The following RMND5B variants were observed in gnomAD, a reference collection of about 807,000 sequenced individuals.
RMND5B encodes E3 ubiquitin-protein transferase RMND5B.
RMND5B carries 42 observed loss-of-function variants against 50.4 expected under a neutral mutation model. The ratio of observed to expected loss-of-function variants is 0.83; its 90% confidence interval spans 0.65 to 1.08. RMND5B has a LOEUF of 1.08. Among genes scored for constraint, RMND5B ranks in the 50% least tolerant of loss-of-function variants. RMND5B has a pLI of 0.00. For synonymous variants in RMND5B, 220 were observed against 210.0 expected, an observed-to-expected ratio of 1.05 and a Z score of -0.41; for missense variants, 463 against 508.5, an observed-to-expected ratio of 0.91 and a Z score of 0.86.
At chr5:178,147,685 C>T (rs1561641324) in intron 9 of RMND5B, 44 bp from the exon 10 acceptor site, 1 of 1,613,966 alleles carries the variant, frequency 6.2e-7, no homozygotes. Flanking sequence ...GGGAGGACAG[C>T]CATGACAGGA....
chr5:178,145,386 T>C (rs996234336), intron 7 of RMND5B, among the ~76,000 whole-genome samples: 12 of 150,740 alleles, frequency 8.0e-5, no homozygotes. Context: ...CCCGGGAGGC[T>C]GAGGTAGGAT....
In RMND5B at chr5:178,142,572, T is replaced by C; in HGVS notation, c.140-11T>C. 1.2e-6 allele frequency: 2 copies of C among 1,603,230 alleles called. No individual in the cohort carries two copies. The highest frequency in any genetic ancestry group is 1.7e-6 in the Non-Finnish European group (2 of 1,174,008). On this transcript the variant is annotated splice_polypyrimidine_tract_variant and intron_variant, in intron 3 of 10. Coordinates refer to ENST00000313386, the MANE Select transcript of RMND5B (RefSeq NM_022762.5). ...TGCCTCCTCTGTGTCCTTATTCCACTTTCTCTGCAGCCCTCCAGGGGACCC... is the reference window on the plus strand; with the variant it reads ...TGCCTCCTCTGTGTCCTTATTCCACCTTCTCTGCAGCCCTCCAGGGGACCC...
Position 178,143,941 on chromosome 5 carries a change from G to C in RMND5B, c.528-1G>C. 6.2e-7 allele frequency: 1 copy of C among 1,614,134 alleles called. No homozygotes were observed. Among genetic ancestry groups the C allele is most frequent in the Non-Finnish European group, 8.5e-7 (1 of 1,179,974 alleles). On this transcript the variant is annotated splice_acceptor_variant, in intron 6 of 10. Coordinates refer to ENST00000313386, the MANE Select transcript of RMND5B (RefSeq NM_022762.5). LOFTEE classifies it high-confidence loss of function. ...CACTAAACTGGCCCCTTTCTTCCCA[G>C]ATGGGCCGTCTCCCACAGGCAGCGC...
rs1409840227 is a variant in RMND5B, at chr5:178,148,657, A to G, written c.*625A>G. 1 of 153,814 alleles carries G rather than the reference A, an allele frequency of 6.5e-6. No individual in the cohort carries two copies. Among genetic ancestry groups the G allele is most frequent in the Non-Finnish European group, 1.4e-5 (1 of 69,262 alleles). The allele number at this position is 153,814 out of a possible 1,614,324, so 9.5% of individuals were successfully genotyped here. A position where few individuals can be genotyped will look rare whatever the true frequency, so the allele number is the denominator to read the frequency against. The stretch of plus-strand genomic sequence containing the variant: ...TGGGCACGGCCTGGTGGCTGCCGCA[A>G]ACAAAAACATGGCCAGCAGGTATCC... On this transcript the variant is annotated 3_prime_UTR_variant, in exon 11 of 11. Coordinates refer to ENST00000313386, the MANE Select transcript of RMND5B (RefSeq NM_022762.5).
chr5:178,139,666 C>T lies in RMND5B; in HGVS notation c.139+1408C>T, dbSNP rs541693124. 3.7e-3 allele frequency among the ~76,000 whole-genome samples: 556 copies of T among 151,414 alleles called. 5 individuals are homozygous for T. Among genetic ancestry groups the T allele is most frequent in the Non-Finnish European group, 5.2e-3 (356 of 67,934 alleles). ...TCAAGAGATTCTCCTGCTTCAGCCT[C>T]GCAAGTTGCTGGGTTTACAGGCCCG... On this transcript the variant is annotated intron_variant, in intron 3 of 10. Coordinates refer to ENST00000313386, the MANE Select transcript of RMND5B (RefSeq NM_022762.5).
chr5:178,139,108 C>T (rs535587731), intron 3 of RMND5B, among the ~76,000 whole-genome samples: 1 of 152,230 alleles, frequency 6.6e-6, no homozygotes, highest in East Asian at 1.9e-4. Flanking sequence ...TGCACTCCAA[C>T]CTGGGCAACA....
intron 2 of RMND5B, among the ~76,000 whole-genome samples, chr5:178,136,423 A>T (rs1758623507): frequency 1.3e-5 from 2 of 151,920 alleles, no homozygotes; most frequent in African/African-American, 4.8e-5. Flanking sequence ...GTTTGTTCAG[A>T]GGGGATGGTG....
rs750031459 is a variant in RMND5B at position 178,147,989 on chromosome 5, C to T, written c.1139C>T (p.Pro380Leu). 1 of 1,614,114 alleles carries T rather than the reference C, an allele frequency of 6.2e-7. No individual in the cohort carries two copies. Among genetic ancestry groups the T allele is most frequent in the Non-Finnish European group, 8.5e-7 (1 of 1,180,026 alleles). Residue 380 changes from proline (P) to leucine (L), a missense_variant, in exon 11 of 11, where the codon CCC (proline) becomes CTC (leucine). Coordinates refer to ENST00000313386, the MANE Select transcript of RMND5B (RefSeq NM_022762.5). ...NGGKLKCPYC[P>L]MEQNPADGKR... Reference sequence around the variant, plus strand: ...TGCAGGCTGAAGTGTCCCTACTGTCCCATGGAGCAGAACCCGGCAGATGGG... The same window carrying T: ...TGCAGGCTGAAGTGTCCCTACTGTCTCATGGAGCAGAACCCGGCAGATGGG...
In RMND5B at chr5:178,138,004, C is replaced by A; in HGVS notation, c.-12-104C>A. The stretch of plus-strand genomic sequence containing the variant: ...ATGTACAAAACATATAACATTGATA[C>A]ATGATGTGGGAATGGTGAGAGGGAT... On this transcript the variant is annotated intron_variant, in intron 2 of 10. Coordinates refer to ENST00000313386, the MANE Select transcript of RMND5B (RefSeq NM_022762.5). The surrounding 1 kb of genome is among the most constrained non-coding windows in gnomAD (Gnocchi z 5.1). 1.0e-6 allele frequency: 1 copy of A among 1,001,814 alleles called. No homozygotes were observed. The highest frequency in any genetic ancestry group is 1.5e-6 in the Non-Finnish European group (1 of 686,440). 62.1% of individuals were successfully genotyped at this position (1,001,814 alleles called of 1,614,324 possible).
At chr5:178,139,573 T>A (rs1244296547) in intron 3 of RMND5B, among the ~76,000 whole-genome samples, 1 of 151,292 alleles carries the variant, frequency 6.6e-6, no homozygotes, top group Non-Finnish European at 1.5e-5. Flanking sequence ...TATAGAGTTT[T>A]GCTCTCATTG....
At position 178,137,993 on chromosome 5, in the gene RMND5B, T is replaced by C. The variant is rs967435383; in HGVS notation, c.-12-115T>C. The C allele has an allele frequency of 1.1e-5, 10 of 940,786 alleles. No individual in the cohort carries two copies. The highest frequency in any genetic ancestry group is 2.9e-5 in the Admixed American group (1 of 34,540). 58.3% of individuals were successfully genotyped at this position (940,786 alleles called of 1,614,324 possible). A position where few individuals can be genotyped will look rare whatever the true frequency, so the allele number is the denominator to read the frequency against. On this transcript the variant is annotated intron_variant, in intron 2 of 10. Coordinates refer to ENST00000313386, the MANE Select transcript of RMND5B (RefSeq NM_022762.5). The surrounding 1 kb of genome is among the most constrained non-coding windows in gnomAD (Gnocchi z 4.4). ...TATATACATATATGTACAAAACATA[T>C]AACATTGATACATGATGTGGGAATG...
In RMND5B at chr5:178,147,822, A is replaced by G. The variant is rs1756112153; in HGVS notation, c.1057A>G (p.Lys353Glu). The change falls in exon 10 of 11, where the codon AAG (lysine) becomes GAG (glutamate). Residue 353 changes from lysine (K) to glutamate (E), a missense_variant. Lys to Glu is a moderately conservative substitution (Grantham distance 56). Transcript: ENST00000313386. ...QQTSDSNPPIKLICGHVISRD... is the reference protein window; with the variant it reads ...QQTSDSNPPIELICGHVISRD... Reference sequence around the variant, plus strand: ...GACGTCAGATTCCAACCCTCCCATCAAGCTCATCTGTGGCCATGTTATCTC... The same window carrying G: ...GACGTCAGATTCCAACCCTCCCATCGAGCTCATCTGTGGCCATGTTATCTC... The G allele has an allele frequency of 1.2e-6, 2 of 1,613,932 alleles. No individual in the cohort carries two copies. The highest frequency in any genetic ancestry group is 2.2e-5 in the South Asian group (2 of 91,070).
chr5:178,138,279 G>A lies in RMND5B; in HGVS notation c.139+21G>A. On this transcript the variant is annotated intron_variant, in intron 3 of 10. Coordinates refer to ENST00000313386, the MANE Select transcript of RMND5B (RefSeq NM_022762.5). This position sits in a 1 kb window ranked among gnomAD's most constrained non-coding sequence, Gnocchi z 5.1. ...CGCAGGTGGGTGGCCACCCTTGCAA[G>A]TGCCCTGCGACAGCCTCCCTGAGGA... The A allele has an allele frequency of 1.2e-6, 2 of 1,611,038 alleles. No individual in the cohort carries two copies. Among genetic ancestry groups the A allele is most frequent in the Non-Finnish European group, 1.7e-6 (2 of 1,178,512 alleles).
At chr5:178,132,785 C>G (rs1414583066) in intron 2 of RMND5B, among the ~76,000 whole-genome samples, 1 of 86,846 alleles carries the variant, frequency 1.2e-5, no homozygotes, top group African/African-American at 4.5e-5. Flanking sequence ...GAGACCCTGC[C>G]TCACAAAAAA....
rs1411438691 is a variant in RMND5B at position 178,150,548 on chromosome 5, T to TA, written c.*2523dup. 2 of 397,096 alleles carry TA rather than the reference T, an allele frequency of 5.0e-6. No homozygotes were observed. Among genetic ancestry groups the TA allele is most frequent in the Non-Finnish European group, 9.7e-6 (2 of 206,088 alleles). The allele number at this position is 397,096 out of a possible 1,614,324, so 24.6% of individuals were successfully genotyped here. A position where few individuals can be genotyped will look rare whatever the true frequency, so the allele number is the denominator to read the frequency against. ...GCATGTGCCACCACACCCAGCTAAT[T>TA]AAAAAAATTTTTTTTGTAGAGATGG... is the stretch of plus-strand genomic sequence containing the variant. On this transcript the variant is annotated 3_prime_UTR_variant, in exon 11 of 11. Transcript: ENST00000313386.
At chr5:178,147,226 C>T (rs1005938384) in intron 8 of RMND5B, 1 of 396,088 alleles carries the variant, frequency 2.5e-6, no homozygotes, top group African/African-American at 2.0e-5. Flanking sequence ...GAACTGCTCA[C>T]TGTTCCCTAG....
In RMND5B at chr5:178,149,580, C is replaced by T. The variant is rs750563439; in HGVS notation, c.*1548C>T. ...TACCTTCATGAAAGGGCTGTTAGAG[C>T]TGCCTGGGAAGAAGGCGTGCCTTGG... On this transcript the variant is annotated 3_prime_UTR_variant, in exon 11 of 11. Transcript: ENST00000313386. 121 of 1,145,996 alleles carry T rather than the reference C, an allele frequency of 1.1e-4. No homozygotes were observed. Among genetic ancestry groups the T allele is most frequent in the Non-Finnish European group, 1.4e-4 (108 of 790,446 alleles). 71.0% of individuals were successfully genotyped at this position (1,145,996 alleles called of 1,614,324 possible).
In RMND5B at chr5:178,148,086, C is replaced by A. The variant is rs1263788076; in HGVS notation, c.*54C>A. On this transcript the variant is annotated 3_prime_UTR_variant, in exon 11 of 11. Coordinates refer to ENST00000313386, the MANE Select transcript of RMND5B (RefSeq NM_022762.5). Reference sequence around the variant, plus strand: ...GGGGTTTTCACCTGTGAGCCTTGGTCTGTCTCGGTAGGGTGGTCAACTTCA... The same window carrying A: ...GGGGTTTTCACCTGTGAGCCTTGGTATGTCTCGGTAGGGTGGTCAACTTCA... The A allele has an allele frequency of 1.3e-6, 2 of 1,570,842 alleles. No homozygotes were observed. The highest frequency in any genetic ancestry group is 1.7e-4 in the Middle Eastern group (1 of 5,966).
At chr5:178,136,604 G>A (rs181781427) in intron 2 of RMND5B, among the ~76,000 whole-genome samples, 70 of 152,236 alleles carry the variant, frequency 4.6e-4, no homozygotes, top group African/African-American at 2.4e-5. Flanking sequence ...TCAAGGTGCT[G>A]AGGCCGGGAC....
Sources: gnomAD v4.1 joint callset for allele counts (sites outside exome capture counted in the v4.1 genomes callset) on GRCh38, gnomAD v4.1.1 for gene constraint, Gnocchi (gnomAD v3.1) non-coding constraint, MANE v1.5 for transcripts, NCBI Gene and HGNC (gene_info 2026-07-23, HGNC 2026-07-21) for gene names.